ANKRD44: variants seen among roughly 807,000 people sequenced by gnomAD.
ANKRD44 encodes the protein ankyrin repeat domain 44.
Under a neutral mutation model 116.0 loss-of-function variants are expected in ANKRD44, and 35 were observed. The ratio of observed to expected loss-of-function variants is 0.30; its 90% CI spans 0.23 to 0.40. The LOEUF is 0.40. Among genes scored for constraint, ANKRD44 ranks in the 10% least tolerant of loss-of-function variants. The probability of loss-of-function intolerance (pLI) is 1.00; values close to 1 mark genes in which losing one functional copy is unlikely to be tolerated. For missense variants in ANKRD44, 1,014 were observed against 1,242.6 expected, an observed-to-expected ratio of 0.82 and a Z score of 2.77; for synonymous variants, 435 against 461.8, an observed-to-expected ratio of 0.94 and a Z score of 0.74.
chr2:197,242,363 T>A (rs2082107396), intron 1 of ANKRD44, among the ~76,000 whole-genome samples: 1 of 152,130 alleles, frequency 6.6e-6, no homozygotes, highest in Non-Finnish European at 1.5e-5. Context: ...AAAAGCAAAA[T>A]CAAATTTTAA....
intron 3 of ANKRD44, among the ~76,000 whole-genome samples, chr2:197,146,432 A>G (rs1033238960): frequency 1.3e-5 from 2 of 152,170 alleles, no homozygotes; most frequent in Non-Finnish European, 2.9e-5. Flanking sequence ...AATATATATA[A>G]ATATACAAAC....
intron 1 of ANKRD44, among the ~76,000 whole-genome samples, chr2:197,242,062 T>C (rs2082102251): frequency 1.3e-5 from 2 of 152,164 alleles, no homozygotes; most frequent in Non-Finnish European, 2.9e-5. Flanking sequence ...ACTTTATCAG[T>C]AGATCCTTGT....
chr2:197,292,239 G>A (rs2083591294), intron 1 of ANKRD44, among the ~76,000 whole-genome samples: 1 of 151,856 alleles, frequency 6.6e-6, no homozygotes, highest in African/African-American at 2.4e-5. Context: ...AGATTCTTGA[G>A]AGATCGCCAC....
At chr2:196,977,179 T>G (rs2125862435) in intron 21 of ANKRD44, among the ~76,000 whole-genome samples, 2 of 152,278 alleles carry the variant, frequency 1.3e-5, no homozygotes, top group South Asian at 4.1e-4. Context: ...AGACTTAAAA[T>G]AAATGGAGAG....
Position 196,989,571 on chromosome 2 carries a change from T to C in ANKRD44, c.*20A>G, listed in dbSNP as rs767691307. The C allele has an allele frequency of 6.5e-6, 10 of 1,549,264 alleles. No homozygotes were observed. Among genetic ancestry groups the C allele is most frequent in the Non-Finnish European group, 8.7e-6 (10 of 1,146,288 alleles). On this transcript the variant is annotated 3_prime_UTR_variant, in exon 28 of 28. Transcript: ENST00000282272. ...ACACATATATGTGTGCATGTGTATG[T>C]GCATAATTTTTAAAGAGTCTCATTC...
intron 2 of ANKRD44, among the ~76,000 whole-genome samples, chr2:197,171,838 TG>T (rs1321311931): frequency 2.0e-5 from 3 of 152,190 alleles, no homozygotes; most frequent in Non-Finnish European, 4.4e-5. Flanking sequence ...TTAATTTTGC[TG>T]TGAACCTAAA....
chr2:197,266,442 C>T (rs2082743586), intron 1 of ANKRD44, among the ~76,000 whole-genome samples: 1 of 152,012 alleles, frequency 6.6e-6, no homozygotes, highest in South Asian at 2.1e-4. Context: ...GCTGTCTGAC[C>T]CAGAAAACCA....
chr2:196,996,759 C>T (rs2076019230), intron 25 of ANKRD44, among the ~76,000 whole-genome samples: 1 of 151,964 alleles, frequency 6.6e-6, no homozygotes, highest in Non-Finnish European at 1.5e-5. Flanking sequence ...CAAAAATTAG[C>T]CGGGCATGGT....
intron 6 of ANKRD44, among the ~76,000 whole-genome samples, chr2:197,123,046 G>A (rs1172730814): frequency 6.6e-6 from 1 of 152,202 alleles, no homozygotes; most frequent in Non-Finnish European, 1.5e-5. Context: ...TCTAGGTGAT[G>A]CTTGTTACCA....
rs1307734058 is a variant in ANKRD44, at chr2:197,121,531, T to C, written c.707A>G (p.Asn236Ser). The change falls in exon 8 of 28, where the codon AAT becomes AGT. Residue 236 changes from asparagine (N) to serine (S), a missense_variant. Transcript: ENST00000282272. ...GTGAAGCGCTGTATTTCCATAGACATTGATTTCATCAATCTGCAAAAGAGT... is the reference window on the plus strand; with the variant it reads ...GTGAAGCGCTGTATTTCCATAGACACTGATTTCATCAATCTGCAAAAGAGT... ...LNLGVEIDEI[N>S]VYGNTALHIA... 4.3e-6 allele frequency: 7 copies of C among 1,613,974 alleles called. No individual in the cohort carries two copies. Among genetic ancestry groups the C allele is most frequent in the Admixed American group, 1.7e-5 (1 of 59,990 alleles).
At chr2:197,002,613 G>C (rs79102706) in intron 21 of ANKRD44, among the ~76,000 whole-genome samples, 11,791 of 152,230 alleles carry the variant, frequency 0.077, 561 homozygotes, top group African/African-American at 0.14. Flanking sequence ...AAGGGCCTCA[G>C]TGTGGTTTGT....
At chr2:197,003,916 C>A (rs2076157667) in intron 21 of ANKRD44, among the ~76,000 whole-genome samples, 1 of 151,730 alleles carries the variant, frequency 6.6e-6, no homozygotes, top group South Asian at 2.1e-4. Flanking sequence ...TCTTACTGAG[C>A]AGAATGAATG....
chr2:197,211,471 C>T (rs1297391734), intron 1 of ANKRD44, among the ~76,000 whole-genome samples: 4 of 152,196 alleles, frequency 2.6e-5, no homozygotes, highest in Admixed American at 1.3e-4. Context: ...CAAGAGTGAA[C>T]GTCTTTCCCT....
At chr2:197,148,189 G>A (rs1201843168) in intron 2 of ANKRD44, among the ~76,000 whole-genome samples, 3 of 152,184 alleles carry the variant, frequency 2.0e-5, no homozygotes, top group African/African-American at 2.4e-5. Context: ...TGCTCCATAC[G>A]AAGCCCATTA....
chr2:197,071,009 C>T (rs1396577606), intron 16 of ANKRD44, among the ~76,000 whole-genome samples: 1 of 152,140 alleles, frequency 6.6e-6, no homozygotes, highest in Non-Finnish European at 1.5e-5. Context: ...TCAATGTATG[C>T]AGAGTTATTC....
chr2:197,009,086 T>C, intron 18 of ANKRD44, 55 bp from the exon 19 acceptor site: 4 of 1,438,568 alleles, frequency 2.8e-6, no homozygotes, highest in Non-Finnish European at 3.9e-6. Flanking sequence ...CACATATCTC[T>C]TCCAAATGAC....
chr2:197,089,909 A>G (rs757849507), intron 11 of ANKRD44, 41 bp downstream of exon 11: 69 of 1,563,038 alleles, frequency 4.4e-5, no homozygotes, highest in Non-Finnish European at 5.4e-5. Flanking sequence ...ACTCATGTAC[A>G]GGACACATTA....
exon 22 of ANKRD44, chr2:196,967,116 T>C (rs2075677465): frequency 5.8e-6 from 1 of 170,952 alleles, no homozygotes; most frequent in South Asian, 1.5e-4. Flanking sequence ...TGTGTTCGTA[T>C]AACACTTATC....
intron 1 of ANKRD44, among the ~76,000 whole-genome samples, chr2:197,294,025 A>T (rs2083644967): frequency 6.6e-6 from 1 of 152,152 alleles, no homozygotes; most frequent in South Asian, 2.1e-4. Context: ...AAAAAATAAG[A>T]GCTCTACCTC....
Sources: allele counts gnomAD v4.1 joint callset (sites outside exome capture counted in the v4.1 genomes callset), GRCh38; gene constraint gnomAD v4.1.1; transcripts MANE v1.5; gene names NCBI Gene and HGNC (gene_info 2026-07-23, HGNC 2026-07-21).